CLASP1: variants seen among roughly 807,000 people sequenced by gnomAD.
CLASP1 encodes CLIP-associating protein 1.
In CLASP1, 38 loss-of-function variants were observed where a neutral mutation model predicts 192.3. That is an observed-to-expected ratio of 0.20 (90% confidence interval 0.15 to 0.26). CLASP1 has a LOEUF of 0.26. Among genes scored for constraint, CLASP1 ranks in the 10% least tolerant of loss-of-function variants. CLASP1 has a pLI of 1.00. For synonymous variants in CLASP1, 691 were observed against 712.8 expected, an observed-to-expected ratio of 0.97 and a Z score of 0.49; for missense variants, 1,433 against 1,932.5, an observed-to-expected ratio of 0.74 and a Z score of 4.85.
At chr2:121,503,473 T>C (rs770634618) in intron 7 of CLASP1, among the ~76,000 whole-genome samples, 1 of 152,210 alleles carries the variant, frequency 6.6e-6, no homozygotes, top group African/African-American at 2.4e-5. Flanking sequence ...TTTAATCTCC[T>C]TGAGGTGACA....
At chr2:121,475,442 G>A (rs944785885) in intron 8 of CLASP1, among the ~76,000 whole-genome samples, 1 of 152,214 alleles carries the variant, frequency 6.6e-6, no homozygotes, top group Non-Finnish European at 1.5e-5. Context: ...TATGTGGAAT[G>A]AGCCATTCTT....
chr2:121,600,128 C>T (rs1235027844), intron 2 of CLASP1, among the ~76,000 whole-genome samples: 3 of 152,054 alleles, frequency 2.0e-5, no homozygotes, highest in Non-Finnish European at 4.4e-5. Context: ...TTCCAGGTTT[C>T]AGTAAAGCAA....
chr2:121,404,533 C>A, intron 25 of CLASP1, 99 bp from the exon 27 acceptor site: 1 of 1,053,322 alleles, frequency 9.5e-7, no homozygotes. Flanking sequence ...GTGGTGCGAT[C>A]ATAGCTCACT....
intron 2 of CLASP1, among the ~76,000 whole-genome samples, chr2:121,592,010 ACT>A (rs2062458473): frequency 6.6e-6 from 1 of 150,408 alleles, no homozygotes; most frequent in African/African-American, 2.4e-5. Context: ...CTTGTCACAG[ACT>A]CTCCCTCTAC....
At chr2:121,493,227 T>C (rs940259818) in intron 8 of CLASP1, among the ~76,000 whole-genome samples, 6 of 152,138 alleles carry the variant, frequency 3.9e-5, no homozygotes, top group Non-Finnish European at 8.8e-5. Flanking sequence ...AGAATCACAT[T>C]ATCTGACTTC....
intron 8 of CLASP1, among the ~76,000 whole-genome samples, chr2:121,474,398 A>G (rs2091301716): frequency 6.6e-6 from 1 of 152,194 alleles, no homozygotes. Context: ...TACTGAGAAG[A>G]CATGCCCTTC....
At chr2:121,370,805 G>A (rs2068506662) in intron 34 of CLASP1, among the ~76,000 whole-genome samples, 2 of 152,260 alleles carry the variant, frequency 1.3e-5, no homozygotes, top group East Asian at 1.9e-4. Context: ...AGGCTTCCCA[G>A]GCCTTGCCCT....
intron 22 of CLASP1, among the ~76,000 whole-genome samples, chr2:121,420,081 C>T (rs1231649858): frequency 1.3e-5 from 2 of 151,572 alleles, no homozygotes; most frequent in South Asian, 2.1e-4. Flanking sequence ...TAGAGTGGAA[C>T]TAGACTCTGA....
chr2:121,525,976 T>C (rs2104649188), intron 5 of CLASP1, 56 bp from the exon 6 acceptor site: 1 of 1,289,342 alleles, frequency 7.8e-7, no homozygotes, highest in Non-Finnish European at 1.1e-6. Context: ...GAAAGAAAGA[T>C]GCCTGTCTGC....
chr2:121,477,709 AATC>A (rs1198122744), intron 8 of CLASP1, among the ~76,000 whole-genome samples: 2 of 152,212 alleles, frequency 1.3e-5, no homozygotes, highest in Non-Finnish European at 2.9e-5. Flanking sequence ...ATATTTAATC[AATC>A]ATCTATTTAT....
At chr2:121,644,360 A>C (rs991409313) in intron 1 of CLASP1, among the ~76,000 whole-genome samples, 1 of 151,984 alleles carries the variant, frequency 6.6e-6, no homozygotes, top group African/African-American at 2.4e-5. Flanking sequence ...AAAAAAAAAA[A>C]AAACAATGGC....
chr2:121,476,219 G>C (rs912006589), intron 8 of CLASP1, among the ~76,000 whole-genome samples: 1 of 152,152 alleles, frequency 6.6e-6, no homozygotes, highest in Admixed American at 6.5e-5. Flanking sequence ...GAGAGGCTGA[G>C]GGATAGCCAG....
At chr2:121,515,547 A>T (rs552299239) in intron 7 of CLASP1, 118 bp downstream of exon 7, 422 of 795,986 alleles carry the variant, frequency 5.3e-4, no homozygotes, top group Non-Finnish European at 7.8e-4. Flanking sequence ...CTCTAACCTT[A>T]TATTCTTTGA....
chr2:121,599,587 C>CAAA (rs763909303), intron 2 of CLASP1, among the ~76,000 whole-genome samples: 12 of 41,170 alleles, frequency 2.9e-4, no homozygotes, highest in East Asian at 5.9e-4. Context: ...GACTCCATCT[C>CAAA]AAAAAAAAAA....
exon 36 of CLASP1, chr2:121,365,208 C>A (rs2149250216): frequency 6.2e-7 from 1 of 1,613,852 alleles, no homozygotes; most frequent in South Asian, 1.1e-5. Context: ...GGGCTCCCTT[C>A]CGTTCCTCCA....
At chr2:121,447,311 G>A in intron 19 of CLASP1, 26 bp downstream of exon 19, 1 of 1,575,096 alleles carries the variant, frequency 6.3e-7, no homozygotes. Context: ...AGTGCAGGAG[G>A]GAAAGGGTGA....
intron 35 of CLASP1, among the ~76,000 whole-genome samples, chr2:121,366,808 G>A (rs905752871): frequency 6.6e-6 from 1 of 152,146 alleles, no homozygotes; most frequent in Admixed American, 6.5e-5. Context: ...CATGTAACAT[G>A]AGAGGTGAAA....
chr2:121,593,790 C>T (rs1224453670), intron 2 of CLASP1, among the ~76,000 whole-genome samples: 1 of 139,828 alleles, frequency 7.2e-6, no homozygotes, highest in Non-Finnish European at 1.5e-5. Context: ...GTGGGTGGAT[C>T]ACCTGAGGTT....
At chr2:121,360,622 C>T (rs1000468147) in intron 37 of CLASP1, among the ~76,000 whole-genome samples, 3 of 145,592 alleles carry the variant, frequency 2.1e-5, no homozygotes, top group East Asian at 2.0e-4. Flanking sequence ...AAAAAAGGAA[C>T]GAAAAATGAA....
Sources: gnomAD v4.1 joint callset for allele counts (sites outside exome capture counted in the v4.1 genomes callset) on GRCh38, gnomAD v4.1.1 for gene constraint, MANE v1.5 for transcripts, NCBI Gene and HGNC (gene_info 2026-07-23, HGNC 2026-07-21) for gene names.